The following PHF6 variants were observed in gnomAD, a reference collection of about 807,000 sequenced individuals.
PHF6 encodes the protein PHD-like zinc finger protein.
In PHF6, 7 loss-of-function variants were observed where a neutral mutation model predicts 34.0. The ratio of observed to expected loss-of-function variants is 0.21; its 90% confidence interval spans 0.12 to 0.39. The LOEUF is 0.39. Ranked by LOEUF, PHF6 falls within the 10% of genes least tolerant of loss-of-function variation. The pLI, the probability that PHF6 is intolerant of heterozygous loss-of-function variation, is 1.00. For missense variants in PHF6, 128 were observed against 262.8 expected (o/e 0.49, Z 3.55); for synonymous variants, 89 against 88.4 (o/e 1.01, Z -0.04).
At chrX:134,386,532 T>C (rs1262352910) in intron 3 of PHF6, among the ~76,000 whole-genome samples, 2 of 109,865 alleles carry the variant, frequency 1.8e-5, no homozygotes, top group Non-Finnish European at 3.8e-5. Context: ...TGCCTCAGCC[T>C]CCCGAGTAGC....
chrX:134,420,214 C>G (rs954384333), intron 9 of PHF6: 1 of 107,226 alleles, frequency 9.3e-6, no homozygotes, highest in Non-Finnish European at 1.9e-5. Context: ...TTTGGGAGGC[C>G]GAGGCTGGCA....
At chrX:134,394,948 G>A (rs1447421991) in intron 5 of PHF6, among the ~76,000 whole-genome samples, 2 of 108,692 alleles carry the variant, frequency 1.8e-5, no homozygotes, top group Non-Finnish European at 3.8e-5. Flanking sequence ...TGCCTCCTGG[G>A]TTCAAGCGAT....
chrX:134,412,481 C>A (rs1432786654), intron 5 of PHF6, among the ~76,000 whole-genome samples: 1 of 111,476 alleles, frequency 9.0e-6, no homozygotes, highest in Admixed American at 9.6e-5. Context: ...TATGCTTTCT[C>A]ATTGAGAAAT....
At chrX:134,399,268 G>T (rs771915099) in intron 5 of PHF6, among the ~76,000 whole-genome samples, 5 of 111,374 alleles carry the variant, frequency 4.5e-5, no homozygotes, top group Non-Finnish European at 9.4e-5. Context: ...GGTAAAAGCC[G>T]TATTGATATG....
intron 3 of PHF6, among the ~76,000 whole-genome samples, chrX:134,391,189 GTCTTGAAC>G (rs751469304): frequency 2.2e-3 from 243 of 110,222 alleles, no homozygotes; most frequent in African/African-American, 7.9e-3. Flanking sequence ...GGTCAGGCTG[GTCTTGAAC>G]TCCTGACCTC....
At chrX:134,415,435 G>C (rs1490012045) in intron 8 of PHF6, 2 of 320,221 alleles carry the variant, frequency 6.2e-6, no homozygotes, top group Non-Finnish European at 1.1e-5. Flanking sequence ...ATGTTACATT[G>C]TGTAAGCTTG....
intron 3 of PHF6, among the ~76,000 whole-genome samples, chrX:134,389,274 C>T (rs1444809064): frequency 9.0e-6 from 1 of 111,476 alleles, no homozygotes; most frequent in Non-Finnish European, 1.9e-5. Context: ...ATATCTGATA[C>T]ATGGGGCAGG....
chrX:134,410,092 G>A (rs965752818), intron 5 of PHF6, among the ~76,000 whole-genome samples: 13 of 111,764 alleles, frequency 1.2e-4, no homozygotes, highest in African/African-American at 3.9e-4. Context: ...ATAGTGCTGC[G>A]GTGAACATAA....
At chrX:134,396,107 A>T (rs1052656874) in intron 5 of PHF6, among the ~76,000 whole-genome samples, 4 of 111,342 alleles carry the variant, frequency 3.6e-5, no homozygotes, top group African/African-American at 9.8e-5. Context: ...GTGTGTATTT[A>T]TGGGGTACAT....
chrX:134,405,842 T>TTATA (rs923895875), intron 5 of PHF6, among the ~76,000 whole-genome samples: 1 of 107,910 alleles, frequency 9.3e-6, no homozygotes, highest in South Asian at 4.0e-4. Flanking sequence ...AGTAAATGAT[T>TTATA]TATATATATA....
chrX:134,393,739 G>A, intron 4 of PHF6, 105 bp downstream of exon 4: 2 of 849,784 alleles, frequency 2.4e-6, no homozygotes, highest in Non-Finnish European at 3.4e-6. Context: ...TCATCATAAA[G>A]GGTGTTTTTG....
chrX:134,417,098 T>C (rs961415450), intron 8 of PHF6, 71 bp from the exon 9 acceptor site: 4 of 1,115,531 alleles, frequency 3.6e-6, no homozygotes, highest in Non-Finnish European at 3.7e-6. Context: ...TTCAGTGTAC[T>C]CTTTTTCAAT....
rs766750208 is a variant in PHF6, at chrX:134,413,247, C to G, written c.419-244C>G. On this transcript the variant is annotated intron_variant, in intron 5 of 10. Coordinates refer to ENST00000370803, the MANE Select transcript of PHF6 (RefSeq NM_001015877.2). Reference sequence around the variant, plus strand: ...TCTAATTTTACAAACTCTTTGAAACCTATGGTAAAAAAAAATAATAATGCA... The same window carrying G: ...TCTAATTTTACAAACTCTTTGAAACGTATGGTAAAAAAAAATAATAATGCA... 1.8e-3 allele frequency among the ~76,000 whole-genome samples: 195 copies of G among 111,053 alleles called. 1 individual carries two copies. Among genetic ancestry groups the G allele is most frequent in the Non-Finnish European group, 3.1e-3 (165 of 52,973 alleles).
At chrX:134,380,068 T>C (rs1414999762) in intron 3 of PHF6, among the ~76,000 whole-genome samples, 1 of 111,604 alleles carries the variant, frequency 9.0e-6, no homozygotes, top group Non-Finnish European at 1.9e-5. Flanking sequence ...ACAAATGCAA[T>C]GCCTAGTGTT....
In PHF6 at chrX:134,425,277, A is replaced by G. The variant is rs1054974225; in HGVS notation, c.1045A>G (p.Lys349Glu). ...GGAACGAGAGAGTAAAAGCCGAGGA[A>G]AAGTAGAAATTGATCAGCAACAACT... is the stretch of plus-strand genomic sequence containing the variant. ...DEERESKSRG[K>E]VEIDQQQLTQ... is the part of the protein sequence containing the mutation. Residue 349 changes from lysine (K) to glutamate (E), a missense_variant, in exon 10 of 11, where the codon AAA becomes GAA. Lys to Glu is a moderately conservative substitution (Grantham distance 56). Coordinates refer to ENST00000370803, the MANE Select transcript of PHF6 (RefSeq NM_001015877.2). 1 of 1,211,366 alleles carries G rather than the reference A, an allele frequency of 8.3e-7. No homozygotes were observed. Among genetic ancestry groups the G allele is most frequent in the Non-Finnish European group, 1.1e-6 (1 of 895,095 alleles).
chrX:134,407,293 AATGT>A (rs2077429313), intron 5 of PHF6, among the ~76,000 whole-genome samples: 2 of 112,545 alleles, frequency 1.8e-5, no homozygotes, highest in African/African-American at 6.5e-5. Context: ...TAAAAGCTCA[AATGT>A]TAGCTCTTAC....
chrX:134,427,096 G>A lies in PHF6; in HGVS notation c.*1436G>A, dbSNP rs1225488332. 1.2e-5 allele frequency: 2 copies of A among 164,092 alleles called. No homozygotes were observed. Among genetic ancestry groups the A allele is most frequent in the African/African-American group, 3.0e-5 (1 of 33,271 alleles). The allele number at this position is 164,092 out of a possible 1,213,427, so 13.5% of individuals were successfully genotyped here. A position where few individuals can be genotyped will look rare whatever the true frequency, so the allele number is the denominator to read the frequency against. On this transcript the variant is annotated 3_prime_UTR_variant, in exon 11 of 11. Transcript: ENST00000370803. ...TAAACTGCGAGTCCCTTAAGATCAC[G>A]TTTGTCAAGTGTGTATTCACACATT...
At chrX:134,423,447 G>A (rs1161341453) in intron 9 of PHF6, among the ~76,000 whole-genome samples, 1 of 111,857 alleles carries the variant, frequency 8.9e-6, no homozygotes, top group East Asian at 2.8e-4. Context: ...TGGTTCAGAA[G>A]TTTAATTAGA....
intron 3 of PHF6, among the ~76,000 whole-genome samples, chrX:134,385,223 G>A (rs2077326822): frequency 9.0e-6 from 1 of 111,217 alleles, no homozygotes; most frequent in Non-Finnish European, 1.9e-5. Flanking sequence ...TGCGGTGCCT[G>A]TACTGATGTT....
Sources: allele counts gnomAD v4.1 joint callset (sites outside exome capture counted in the v4.1 genomes callset), GRCh38; gene constraint gnomAD v4.1.1; transcripts MANE v1.5; gene names NCBI Gene and HGNC (gene_info 2026-07-23, HGNC 2026-07-21).